CAB39L: variants seen among roughly 807,000 people sequenced by gnomAD.
The protein encoded by CAB39L is calcium binding protein 39 like, also known as calcium-binding protein 39-like.
Under a neutral mutation model 39.1 loss-of-function variants are expected in CAB39L, and 23 were observed. That is an observed-to-expected ratio of 0.59 (90% CI 0.42 to 0.83). The LOEUF is 0.83. Ranked by LOEUF, CAB39L falls within the 40% of genes least tolerant of loss-of-function variation. CAB39L has a pLI of 0.00. For missense variants in CAB39L, 366 were observed against 391.9 expected, an observed-to-expected ratio of 0.93 and a Z score of 0.56; for synonymous variants, 126 against 137.2, an observed-to-expected ratio of 0.92 and a Z score of 0.57.
intron 3 of CAB39L, chr13:49,420,218 T>C (rs1350657318): frequency 6.6e-6 from 1 of 152,200 alleles, no homozygotes; most frequent in African/African-American, 2.4e-5. Context: ...AACTGACAAG[T>C]AGGCTAACAT....
At chr13:49,428,368 A>C (rs74897897) in intron 3 of CAB39L, among the ~76,000 whole-genome samples, 6,792 of 152,292 alleles carry the variant, frequency 0.045, 496 homozygotes, top group African/African-American at 0.15. Context: ...CTCCCAGAGC[A>C]AGTGATCAGC....
chr13:49,375,082 G>A (rs911807285), intron 5 of CAB39L, among the ~76,000 whole-genome samples: 2 of 152,062 alleles, frequency 1.3e-5, no homozygotes, highest in East Asian at 3.8e-4. Context: ...TCCTGAGTTT[G>A]AGAAAAAGAG....
At chr13:49,416,499 G>A (rs1165116977) in intron 3 of CAB39L, among the ~76,000 whole-genome samples, 1 of 152,154 alleles carries the variant, frequency 6.6e-6, no homozygotes, top group Admixed American at 6.5e-5. Context: ...TGACCTACTA[G>A]TGAGTGGAAA....
At chr13:49,436,010 CT>C (rs1957407388) in intron 1 of CAB39L, among the ~76,000 whole-genome samples, 1 of 152,138 alleles carries the variant, frequency 6.6e-6, no homozygotes, top group Admixed American at 6.5e-5. Context: ...TATTTAAATA[CT>C]TTTTTATTAA....
intron 5 of CAB39L, among the ~76,000 whole-genome samples, chr13:49,363,514 A>G (rs1370472908): frequency 6.6e-6 from 1 of 152,192 alleles, no homozygotes; most frequent in Non-Finnish European, 1.5e-5. Context: ...AAAAAAATAA[A>G]AAACAAGAAA....
At chr13:49,426,720 C>T (rs990863923) in intron 3 of CAB39L, among the ~76,000 whole-genome samples, 5 of 152,194 alleles carry the variant, frequency 3.3e-5, no homozygotes, top group African/African-American at 9.6e-5. Flanking sequence ...CCACCGCGCC[C>T]AGCCAATTTA....
At chr13:49,413,719 C>T (rs555114733) in intron 3 of CAB39L, 1 of 152,274 alleles carries the variant, frequency 6.6e-6, no homozygotes, top group Non-Finnish European at 1.5e-5. Flanking sequence ...TCAACCAATA[C>T]TCACCCTTTT....
rs76382071 is a variant in CAB39L at position 49,346,716 on chromosome 13, A to C, written c.565-2478T>G. Among the ~76,000 whole-genome samples, 657 of 152,290 alleles carry C rather than the reference A, an allele frequency of 4.3e-3. 5 individuals carry two copies. The highest frequency in any genetic ancestry group is 0.015 in the African/African-American group (627 of 41,550). ...TGCAAATACGGTTTCTGATCTTCAC[A>C]AGTCCGTGAAAAAGGGATGATTTTC... On this transcript the variant is annotated intron_variant, in intron 7 of 10. Coordinates refer to ENST00000409308, the MANE Select transcript of CAB39L (RefSeq NM_001079670.3).
chr13:49,385,752 G>C (rs1956343654), intron 3 of CAB39L, among the ~76,000 whole-genome samples: 1 of 152,122 alleles, frequency 6.6e-6, no homozygotes, highest in Non-Finnish European at 1.5e-5. Flanking sequence ...CCAGTCGATG[G>C]GGCACTCAGA....
chr13:49,401,910 G>A (rs986741804), intron 3 of CAB39L, among the ~76,000 whole-genome samples: 2 of 152,150 alleles, frequency 1.3e-5, no homozygotes, highest in African/African-American at 4.8e-5. Flanking sequence ...ACTTGTATTA[G>A]AAACTTAATC....
intron 10 of CAB39L, among the ~76,000 whole-genome samples, chr13:49,323,585 T>A (rs1954417801): frequency 6.6e-6 from 1 of 151,534 alleles, no homozygotes; most frequent in African/African-American, 2.4e-5. Context: ...GGAAGCCGCC[T>A]GCACAAAACA....
At chr13:49,392,309 T>A (rs531184273) in intron 3 of CAB39L, among the ~76,000 whole-genome samples, 3 of 152,194 alleles carry the variant, frequency 2.0e-5, no homozygotes, top group African/African-American at 4.8e-5. Flanking sequence ...TTGGTGACCT[T>A]AATATGCTCT....
chr13:49,442,864 G>A (rs1000561729), intron 1 of CAB39L, among the ~76,000 whole-genome samples: 1 of 149,766 alleles, frequency 6.7e-6, no homozygotes, highest in African/African-American at 2.5e-5. Flanking sequence ...TATTCCTGAT[G>A]CGAGATGTCT....
At chr13:49,412,150 T>C (rs957493379) in intron 3 of CAB39L, among the ~76,000 whole-genome samples, 1 of 152,166 alleles carries the variant, frequency 6.6e-6, no homozygotes, top group Non-Finnish European at 1.5e-5. Context: ...ACAGTTTGTT[T>C]AACCACTTCT....
At chr13:49,359,682 T>TAGCC (rs1283879125) in intron 6 of CAB39L, 32 bp downstream of exon 6, 1 of 1,167,992 alleles carries the variant, frequency 8.6e-7, no homozygotes, top group African/African-American at 1.5e-5. Context: ...ATTAAAAACT[T>TAGCC]AGCCCTACTT....
At chr13:49,439,245 C>A (rs192840579) in intron 1 of CAB39L, among the ~76,000 whole-genome samples, 1 of 152,004 alleles carries the variant, frequency 6.6e-6, no homozygotes, top group African/African-American at 2.4e-5. Flanking sequence ...CATCTCATTT[C>A]TTTTTTTCCC....
intron 10 of CAB39L, among the ~76,000 whole-genome samples, chr13:49,329,538 AAAAAAAATATATATATAT>A (rs1437828391): frequency 5.8e-5 from 2 of 34,680 alleles, no homozygotes; most frequent in Non-Finnish European, 4.9e-5. Context: ...TTCAATTAAA[AAAAAAAATATATATATAT>A]ATATATATAT....
chr13:49,337,151 T>C (rs1954872168), intron 9 of CAB39L, among the ~76,000 whole-genome samples: 1 of 152,222 alleles, frequency 6.6e-6, no homozygotes, highest in African/African-American at 2.4e-5. Context: ...ATTGACTTTA[T>C]TGTCTTAGTT....
intron 10 of CAB39L, among the ~76,000 whole-genome samples, chr13:49,314,679 C>T (rs186786109): frequency 2.8e-4 from 42 of 152,280 alleles, no homozygotes; most frequent in African/African-American, 7.7e-4. Flanking sequence ...TGGTTAACAG[C>T]GCAGATTCAG....
Sources: gnomAD v4.1 joint callset for allele counts (sites outside exome capture counted in the v4.1 genomes callset) on GRCh38, gnomAD v4.1.1 for gene constraint, MANE v1.5 for transcripts, NCBI Gene and HGNC (gene_info 2026-07-23, HGNC 2026-07-21) for gene names.